The following TMEM50B variants were observed in gnomAD, a reference collection of about 807,000 sequenced individuals.
The protein encoded by TMEM50B is HCV p7-trans-regulated protein 3.
In TMEM50B, 14 loss-of-function variants were observed where a neutral mutation model predicts 23.4. The ratio of observed to expected loss-of-function variants is 0.60; its 90% CI spans 0.39 to 0.93. The LOEUF (loss-of-function observed/expected upper bound fraction) is 0.93, where lower values mean the gene tolerates loss of function less well. Among genes scored for constraint, TMEM50B ranks in the 40% least tolerant of loss-of-function variants. The pLI, the probability that TMEM50B is intolerant of heterozygous loss-of-function variation, is 0.00. For synonymous variants in TMEM50B, 64 were observed against 62.3 expected (o/e 1.03, Z -0.13); for missense variants, 159 against 193.0 (o/e 0.82, Z 1.04).
chr21:33,463,477 G>C (rs1362774969), intron 4 of TMEM50B, among the ~76,000 whole-genome samples: 1 of 152,034 alleles, frequency 6.6e-6, no homozygotes, highest in Non-Finnish European at 1.5e-5. Context: ...CGAGGTGAGG[G>C]GAAGAGTATT....
intron 2 of TMEM50B, 169 bp downstream of exon 2, chr21:33,468,618 C>T (rs1427494890): frequency 3.6e-6 from 2 of 552,782 alleles, no homozygotes; most frequent in African/African-American, 1.9e-5. Context: ...GAATCCAGGG[C>T]CTACCATATT....
At chr21:33,435,280 G>A (rs1023599211) in intron 8 of TMEM50B, among the ~76,000 whole-genome samples, 7 of 152,150 alleles carry the variant, frequency 4.6e-5, no homozygotes, top group African/African-American at 1.7e-4. Context: ...GGGGAGGGGT[G>A]GAGGAGTGCC....
At chr21:33,473,192 C>T (rs2084333537) in intron 1 of TMEM50B, among the ~76,000 whole-genome samples, 1 of 152,028 alleles carries the variant, frequency 6.6e-6, no homozygotes, top group African/African-American at 2.4e-5. Context: ...GTGGCTCATG[C>T]CTGTAATCCC....
rs899387341 is a variant in TMEM50B, at chr21:33,449,607, A to C, written c.*1211T>G. 20 of 152,250 alleles carry C rather than the reference A, an allele frequency of 1.3e-4. No homozygotes were observed. Among genetic ancestry groups the C allele is most frequent in the Admixed American group, 5.9e-4 (9 of 15,286 alleles). 9.4% of individuals were successfully genotyped at this position (152,250 alleles called of 1,614,324 possible). ...GAAGATATATTTCACAGGAATATTCACCCAAAGCTTGAGAGCTAGAGCGAG... is the reference window on the plus strand; with the variant it reads ...GAAGATATATTTCACAGGAATATTCCCCCAAAGCTTGAGAGCTAGAGCGAG... On this transcript the variant is annotated 3_prime_UTR_variant, in exon 7 of 7. Coordinates refer to ENST00000542230, the MANE Select transcript of TMEM50B (RefSeq NM_006134.7).
chr21:33,455,856 CATA>C, intron 5 of TMEM50B, 72 bp from the exon 6 acceptor site: 2 of 1,009,474 alleles, frequency 2.0e-6, no homozygotes, highest in Admixed American at 1.8e-5. Context: ...CAGTGCCATT[CATA>C]ATGATACATT....
intron 7 of TMEM50B, among the ~76,000 whole-genome samples, chr21:33,442,918 C>T (rs1185527861): frequency 1.1e-5 from 1 of 91,280 alleles, no homozygotes; most frequent in African/African-American, 7.3e-5. Flanking sequence ...GAGACTCTGT[C>T]TCAAAAAAAA....
rs544531288 is a variant in TMEM50B at position 33,442,723 on chromosome 21, C to A, written c.*2037-3426G>T. ...ATCACTTGAGGTCAGGAGTTCGACA[C>A]CAGCCTGGCCAACATGGAGAAACCC... On this transcript the variant is annotated intron_variant and NMD_transcript_variant, in intron 7 of 8. Coordinates refer to the TMEM50B transcript ENST00000420455. Among the ~76,000 whole-genome samples the A allele has an allele frequency of 4.6e-5, 7 of 152,210 alleles. No homozygotes were observed. In the South Asian group the frequency reaches 1.0e-3, roughly 23 times the overall value.
chr21:33,454,741 G>A (rs772974132), intron 6 of TMEM50B, among the ~76,000 whole-genome samples: 1 of 152,060 alleles, frequency 6.6e-6, no homozygotes, highest in Non-Finnish European at 1.5e-5. Flanking sequence ...CACAGGCTAT[G>A]GAAGCAGCAG....
chr21:33,462,176 T>C (rs1284717460), intron 4 of TMEM50B, among the ~76,000 whole-genome samples: 1 of 152,166 alleles, frequency 6.6e-6, no homozygotes, highest in Non-Finnish European at 1.5e-5. Flanking sequence ...ATTTTGATAC[T>C]TTCCTATTAA....
At chr21:33,476,779 AC>A (rs1220961909) in intron 1 of TMEM50B, among the ~76,000 whole-genome samples, 11 of 151,102 alleles carry the variant, frequency 7.3e-5, no homozygotes, top group South Asian at 4.2e-4. Flanking sequence ...AAAAAAAAAA[AC>A]AACTTTAAGT....
intron 4 of TMEM50B, among the ~76,000 whole-genome samples, chr21:33,461,489 C>T (rs561422990): frequency 2.0e-5 from 3 of 152,128 alleles, no homozygotes; most frequent in Admixed American, 2.0e-4. Flanking sequence ...TTTTATCTAA[C>T]GTGAATAAAA....
intron 1 of TMEM50B, 30 bp from the exon 2 acceptor site, chr21:33,468,956 C>A: frequency 8.3e-7 from 1 of 1,209,956 alleles, no homozygotes; most frequent in Non-Finnish European, 1.2e-6. Context: ...AACTAATCAA[C>A]CTAAGAAAAT....
intron 6 of TMEM50B, among the ~76,000 whole-genome samples, chr21:33,453,365 C>T (rs960415342): frequency 5.3e-5 from 8 of 152,044 alleles, no homozygotes; most frequent in African/African-American, 1.9e-4. Context: ...GTTGAGATTA[C>T]AGGTGTGAGC....
At chr21:33,466,971 G>GA (rs1402775986) in intron 3 of TMEM50B, 39 bp downstream of exon 3, 1 of 1,557,682 alleles carries the variant, frequency 6.4e-7, no homozygotes, top group Non-Finnish European at 8.8e-7. Context: ...AGTATTTTTA[G>GA]AAAAATCACC....
downstream of TMEM50B, among the ~76,000 whole-genome samples, chr21:33,445,473 C>A (rs2084044478): frequency 6.6e-6 from 1 of 152,266 alleles, no homozygotes; most frequent in Admixed American, 6.5e-5. Flanking sequence ...GCTAAAAAGT[C>A]ATCAGATGAG....
chr21:33,468,066 TA>T (rs3057402), intron 2 of TMEM50B, among the ~76,000 whole-genome samples: 230 of 131,414 alleles, frequency 1.8e-3, no homozygotes, highest in Admixed American at 7.0e-3. Context: ...CTCGTCTCTT[TA>T]AAAAAAAAAA....
At chr21:33,432,637 GC>G (rs2083900171) in exon 9 of TMEM50B, 1 of 1,497,654 alleles carries the variant, frequency 6.7e-7, no homozygotes, top group Admixed American at 1.7e-5. Flanking sequence ...TCTTTAAGCA[GC>G]ATGGATGGAA....
rs1202928331 is a variant in TMEM50B at position 33,433,639 on chromosome 21, C to CCT, written c.*2121-838_*2121-837insAG. Among the ~76,000 whole-genome samples, 3 of 152,104 alleles carry CCT rather than the reference C, an allele frequency of 2.0e-5. No individual in the cohort carries two copies. The East Asian group carries it at 5.8e-4, about 29-fold the overall frequency. On this transcript the variant is annotated intron_variant and NMD_transcript_variant, in intron 8 of 8. Coordinates refer to the TMEM50B transcript ENST00000420455. Reference sequence around the variant, plus strand: ...AGTGGGAAGTTCGTGTTGAATGGGGCCAGAGTTTCAGTTCTGGGGCTGTAC... The same window carrying CCT: ...AGTGGGAAGTTCGTGTTGAATGGGGCCTCAGAGTTTCAGTTCTGGGGCTGTAC...
chr21:33,448,150 C>G (rs911498883), downstream of TMEM50B, among the ~76,000 whole-genome samples: 1 of 151,968 alleles, frequency 6.6e-6, no homozygotes, highest in Non-Finnish European at 1.5e-5. Context: ...TGCACCACCA[C>G]GCCTGGCTAA....
Sources: gnomAD v4.1 joint callset for allele counts (sites outside exome capture counted in the v4.1 genomes callset) on GRCh38, gnomAD v4.1.1 for gene constraint, MANE v1.5 for transcripts, NCBI Gene and HGNC (gene_info 2026-07-23, HGNC 2026-07-21) for gene names.